Variants in LUZP2 observed in about 807,000 individuals in gnomAD.
LUZP2 encodes the protein leucine zipper protein 2.
Under a neutral mutation model 51.6 loss-of-function variants are expected in LUZP2, and 52 were observed. The observed-to-expected ratio is 1.01, with a 90% CI of 0.81 to 1.27. The LOEUF is 1.27. LUZP2 is among the 50% of genes most tolerant of loss of function. LUZP2 has a pLI of 0.00. For synonymous variants in LUZP2, 154 were observed against 137.3 expected, an observed-to-expected ratio of 1.12 and a Z score of -0.85; for missense variants, 436 against 395.4, an observed-to-expected ratio of 1.10 and a Z score of -0.87.
chr11:24,825,318 C>G (rs1850491140), intron 5 of LUZP2, among the ~76,000 whole-genome samples: 1 of 152,058 alleles, frequency 6.6e-6, no homozygotes, highest in Non-Finnish European at 1.5e-5. Flanking sequence ...TATAGCTTTC[C>G]CAAGATTATC....
chr11:24,852,668 TTC>T (rs1851433493), intron 5 of LUZP2, among the ~76,000 whole-genome samples: 1 of 151,912 alleles, frequency 6.6e-6, no homozygotes, highest in South Asian at 2.1e-4. Flanking sequence ...TTTGTTAATT[TTC>T]TGTTTCGTTG....
chr11:24,556,939 T>C (rs1423086088), intron 1 of LUZP2, among the ~76,000 whole-genome samples: 3 of 152,140 alleles, frequency 2.0e-5, no homozygotes, highest in Admixed American at 6.6e-5. Flanking sequence ...GGCTTTTCGA[T>C]TGGTTAATCT....
chr11:24,673,086 A>G (rs138651340), intron 1 of LUZP2, among the ~76,000 whole-genome samples: 19 of 152,206 alleles, frequency 1.2e-4, no homozygotes, highest in African/African-American at 4.3e-4. Flanking sequence ...TCCTCCCAAC[A>G]TAACACCACC....
At chr11:24,707,985 A>T (rs968978714) in intron 1 of LUZP2, among the ~76,000 whole-genome samples, 1 of 152,090 alleles carries the variant, frequency 6.6e-6, no homozygotes, top group African/African-American at 2.4e-5. Context: ...CACAGGCTAA[A>T]CTAATTCTGA....
At chr11:25,012,757 T>C (rs1857020628) in intron 9 of LUZP2, among the ~76,000 whole-genome samples, 1 of 152,140 alleles carries the variant, frequency 6.6e-6, no homozygotes, top group Admixed American at 6.5e-5. Flanking sequence ...GAAAAGGTAA[T>C]TCATATATTG....
chr11:24,751,615 G>T, intron 4 of LUZP2: 1 of 980,180 alleles, frequency 1.0e-6, no homozygotes, highest in Non-Finnish European at 1.2e-6. Flanking sequence ...TGCTTTCAAA[G>T]TTTTCTATCC....
chr11:24,614,685 C>G (rs1309193673), intron 1 of LUZP2, among the ~76,000 whole-genome samples: 2 of 151,900 alleles, frequency 1.3e-5, no homozygotes. Flanking sequence ...GAAAACTTTT[C>G]CTCGAGAAGG....
chr11:24,621,770 A>C (rs556202325), intron 1 of LUZP2, among the ~76,000 whole-genome samples: 2 of 152,158 alleles, frequency 1.3e-5, no homozygotes, highest in African/African-American at 4.8e-5. Flanking sequence ...CTCTTAATAG[A>C]ACATTGTCTT....
chr11:24,601,523 A>C (rs1853636490), intron 1 of LUZP2, among the ~76,000 whole-genome samples: 2 of 151,958 alleles, frequency 1.3e-5, no homozygotes, highest in Non-Finnish European at 2.9e-5. Flanking sequence ...GATTACATCC[A>C]CATTTTGAGT....
intron 5 of LUZP2, among the ~76,000 whole-genome samples, chr11:24,765,933 G>A (rs756953236): frequency 1.3e-5 from 2 of 151,776 alleles, no homozygotes; most frequent in African/African-American, 2.4e-5. Context: ...GCCAATTTTT[G>A]CATTTTTTGT....
intron 5 of LUZP2, among the ~76,000 whole-genome samples, chr11:24,876,125 A>G (rs1852253160): frequency 6.6e-6 from 1 of 151,162 alleles, no homozygotes; most frequent in Non-Finnish European, 1.5e-5. Context: ...CCATTTGTCA[A>G]TTTTGGCTTT....
At chr11:24,819,324 T>C (rs142433419) in intron 5 of LUZP2, among the ~76,000 whole-genome samples, 286 of 152,100 alleles carry the variant, frequency 1.9e-3, no homozygotes, top group African/African-American at 6.6e-3. Context: ...TTTTTGTTGA[T>C]GGGAAGATTT....
chr11:24,953,116 G>C (rs1169331047), intron 7 of LUZP2, among the ~76,000 whole-genome samples: 1 of 151,910 alleles, frequency 6.6e-6, no homozygotes, highest in Non-Finnish European at 1.5e-5. Context: ...TACACATTTA[G>C]AGTAGTAGGG....
rs187636164 is a variant in LUZP2, at chr11:24,682,324, G to A, written c.63-46845G>A. On this transcript the variant is annotated intron_variant, in intron 1 of 11. Transcript: ENST00000336930. ...AGCCTGGCCAACATGCTGAAACAGT[G>A]TCTCTATTAAAAATGCAAAAATTAG... Among the ~76,000 whole-genome samples, 77 of 151,522 alleles carry A rather than the reference G, an allele frequency of 5.1e-4. No individual in the cohort carries two copies. In the East Asian group the frequency reaches 0.014, roughly 27 times the overall value.
chr11:24,562,315 C>T (rs1852068296), intron 1 of LUZP2, among the ~76,000 whole-genome samples: 1 of 152,046 alleles, frequency 6.6e-6, no homozygotes, highest in Non-Finnish European at 1.5e-5. Flanking sequence ...GAAACTATAA[C>T]ATCTTGTCCT....
At chr11:24,996,275 T>TTC (rs937226644) in intron 9 of LUZP2, among the ~76,000 whole-genome samples, 4 of 151,366 alleles carry the variant, frequency 2.6e-5, no homozygotes, top group African/African-American at 7.2e-5. Context: ...AATAATACGT[T>TTC]TCTCTCTCTC....
At chr11:24,538,148 TATAC>T (rs777526656) in intron 1 of LUZP2, among the ~76,000 whole-genome samples, 1 of 151,808 alleles carries the variant, frequency 6.6e-6, no homozygotes, top group Non-Finnish European at 1.5e-5. Context: ...TTTATAAATA[TATAC>T]ATAAAGTTAT....
chr11:24,905,433 C>A (rs1853416472), intron 5 of LUZP2, among the ~76,000 whole-genome samples: 1 of 152,046 alleles, frequency 6.6e-6, no homozygotes, highest in African/African-American at 2.4e-5. Flanking sequence ...GAGGCTGAGG[C>A]AGGAGAATAG....
At position 24,670,260 on chromosome 11, in the gene LUZP2, C is replaced by G. The variant is rs113089481; in HGVS notation, c.63-58909C>G. Among the ~76,000 whole-genome samples, 526 of 152,114 alleles carry G rather than the reference C, an allele frequency of 3.5e-3. 2 individuals are homozygous for G. Among genetic ancestry groups the G allele is most frequent in the African/African-American group, 0.012 (492 of 41,550 alleles). ...GACCACAGATAAGTCACTTCATTTT[C>G]ATTAGCATTAAGTAATTTTTTAAAT... is the stretch of plus-strand genomic sequence containing the variant. On this transcript the variant is annotated intron_variant, in intron 1 of 11. Transcript: ENST00000336930.
Sources: gnomAD v4.1 joint callset for allele counts (sites outside exome capture counted in the v4.1 genomes callset) on GRCh38, gnomAD v4.1.1 for gene constraint, MANE v1.5 for transcripts, NCBI Gene and HGNC (gene_info 2026-07-23, HGNC 2026-07-21) for gene names.